CBR4: variants seen among roughly 807,000 people sequenced by gnomAD.
CBR4 encodes 3-oxoacyl-[acyl-carrier-protein] reductase.
Under a neutral mutation model 21.0 loss-of-function variants are expected in CBR4, and 22 were observed. The observed-to-expected ratio is 1.05, with a 90% CI of 0.75 to 1.50. The LOEUF (loss-of-function observed/expected upper bound fraction) is 1.50. Among genes scored for constraint, CBR4 ranks in the 40% most tolerant of loss-of-function variants. The pLI is 0.00. For synonymous variants in CBR4, 100 were observed against 104.4 expected (o/e 0.96, Z 0.26); for missense variants, 302 against 286.3 (o/e 1.05, Z -0.40).
chr4:168,996,315 A>T (rs910528768), intron 4 of CBR4, among the ~76,000 whole-genome samples: 3 of 152,168 alleles, frequency 2.0e-5, no homozygotes, highest in Admixed American at 6.5e-5. Context: ...GTAGCTTTTT[A>T]AAAAATTTAT....
At chr4:168,900,015 AG>A (rs1328102753) in intron 2 of CBR4, among the ~76,000 whole-genome samples, 2 of 152,226 alleles carry the variant, frequency 1.3e-5, no homozygotes, top group African/African-American at 4.8e-5. Context: ...GTGCGGCCTC[AG>A]GAAGCTTACA....
intron 2 of CBR4, chr4:168,925,202 C>G: frequency 2.6e-6 from 4 of 1,532,528 alleles, no homozygotes; most frequent in Non-Finnish European, 3.5e-6. Flanking sequence ...CAAAAAAATT[C>G]ATATTGCTCT....
At chr4:168,937,105 C>A (rs1009086112) in intron 2 of CBR4, among the ~76,000 whole-genome samples, 1 of 152,164 alleles carries the variant, frequency 6.6e-6, no homozygotes, top group Non-Finnish European at 1.5e-5. Flanking sequence ...AGACTAACAG[C>A]AGATCTCTCT....
chr4:168,910,701 A>G (rs1302596839), intron 2 of CBR4, among the ~76,000 whole-genome samples: 1 of 152,170 alleles, frequency 6.6e-6, no homozygotes, highest in African/African-American at 2.4e-5. Context: ...CAGAGAAGGA[A>G]ACTTAGAAAG....
Position 168,981,972 on chromosome 4 carries a change from C to T in CBR4, n.169+20099G>A, listed in dbSNP as rs1764560015. 5.3e-5 allele frequency among the ~76,000 whole-genome samples: 8 copies of T among 152,184 alleles called. No homozygotes were observed. In the South Asian group the frequency reaches 1.7e-3, roughly 32 times the overall value. ...CACCACAAAAACACACTCAAGTACA[C>T]ACTCTATTAACACTATAAAGCAAAT... On this transcript the variant is annotated intron_variant and non_coding_transcript_variant, in intron 2 of 3. Transcript: ENST00000509108.
intron 2 of CBR4, among the ~76,000 whole-genome samples, chr4:168,937,094 C>G (rs1192154653): frequency 2.6e-5 from 4 of 152,164 alleles, no homozygotes; most frequent in Middle Eastern, 3.2e-3. Flanking sequence ...GGAAGCCCAT[C>G]AGACTAACAG....
intron 4 of CBR4, among the ~76,000 whole-genome samples, chr4:168,994,996 AGCCT>A (rs1765120688): frequency 1.3e-5 from 2 of 152,072 alleles, no homozygotes; most frequent in South Asian, 4.1e-4. Context: ...TTAGGTGATC[AGCCT>A]GCCTTGGTCT....
At chr4:168,916,648 A>G (rs1399486039) in intron 2 of CBR4, among the ~76,000 whole-genome samples, 1 of 149,908 alleles carries the variant, frequency 6.7e-6, no homozygotes, top group African/African-American at 2.5e-5. Flanking sequence ...GTATCCATAT[A>G]TCTACTCTGA....
intron 2 of CBR4, among the ~76,000 whole-genome samples, chr4:168,973,733 C>T (rs781480841): frequency 1.5e-4 from 23 of 152,200 alleles, no homozygotes; most frequent in African/African-American, 5.3e-4. Flanking sequence ...TACTTGTTAT[C>T]GGTCTGTTCA....
At chr4:168,916,158 A>C in intron 2 of CBR4, 1 of 902,150 alleles carries the variant, frequency 1.1e-6, no homozygotes, top group East Asian at 2.4e-5. Flanking sequence ...CACACCTATA[A>C]TCCCAGCACT....
chr4:168,938,807 GC>G (rs1763182225), intron 2 of CBR4, among the ~76,000 whole-genome samples: 1 of 152,056 alleles, frequency 6.6e-6, no homozygotes, highest in African/African-American at 2.4e-5. Flanking sequence ...GTAATTAATA[GC>G]CTAACAACCA....
downstream of CBR4, among the ~76,000 whole-genome samples, chr4:168,985,494 A>C (rs1388883362): frequency 2.0e-5 from 3 of 152,196 alleles, no homozygotes; most frequent in Admixed American, 2.0e-4. Context: ...TTCTCAAAGA[A>C]CTTAAAATGG....
Position 169,009,989 on chromosome 4 carries a change from C to T in CBR4, c.101G>A (p.Arg34Lys). The change falls in exon 1 of 5, where the codon AGA (arginine) becomes AAA (lysine). Residue 34 changes from arginine to lysine, a missense_variant. Transcript: ENST00000306193. ...GGCGGCTTTGGCCCCTTCCAGGTTT[C>T]TGGCAATGACCGCCAGTCGGTAGCC... Reference protein sequence around the residue: ...RKGYRLAVIARNLEGAKAAAG... With the variant: ...RKGYRLAVIAKNLEGAKAAAG... The T allele has an allele frequency of 6.2e-7, 1 of 1,613,424 alleles. No homozygotes were observed. The highest frequency in any genetic ancestry group is 8.5e-7 in the Non-Finnish European group (1 of 1,179,798).
intron 2 of CBR4, among the ~76,000 whole-genome samples, chr4:168,936,139 A>G (rs1035344667): frequency 7.2e-5 from 11 of 152,230 alleles, no homozygotes; most frequent in African/African-American, 2.4e-4. Flanking sequence ...CCAGGTAAAC[A>G]GGGTCTGGAG....
In CBR4 at chr4:168,970,833, GAT is replaced by G. The variant is rs71588181; in HGVS notation, n.169+31236_169+31237del. On this transcript the variant is annotated intron_variant and non_coding_transcript_variant, in intron 2 of 3. Coordinates refer to the CBR4 transcript ENST00000509108. ...TTTTTATGGCTGAGTAGTAGTCCAT[GAT>G]ATATATATATATATACCACATTTTC... Among the ~76,000 whole-genome samples, 211 of 149,568 alleles carry G rather than the reference GAT, an allele frequency of 1.4e-3. 2 individuals carry two copies. The highest frequency in any genetic ancestry group is 4.9e-3 in the African/African-American group (198 of 40,774).
intron 2 of CBR4, among the ~76,000 whole-genome samples, chr4:168,973,112 C>T (rs1041408134): frequency 1.3e-5 from 2 of 152,106 alleles, no homozygotes; most frequent in Non-Finnish European, 2.9e-5. Context: ...CCTTGCGTCC[C>T]CATCATGAAA....
At chr4:168,913,893 A>G (rs1759571983) in intron 2 of CBR4, 2 of 1,359,406 alleles carry the variant, frequency 1.5e-6, no homozygotes, top group Non-Finnish European at 2.1e-6. Context: ...ATAGTTTTAA[A>G]TAGCAAATCA....
chr4:168,936,912 T>C (rs938783894), intron 2 of CBR4, among the ~76,000 whole-genome samples: 2 of 152,026 alleles, frequency 1.3e-5, no homozygotes, highest in African/African-American at 4.8e-5. Flanking sequence ...TAGGCCAACA[T>C]TCAAATTCAG....
chr4:168,985,894 T>C (rs974505665), downstream of CBR4, among the ~76,000 whole-genome samples: 1 of 152,052 alleles, frequency 6.6e-6, no homozygotes, highest in Non-Finnish European at 1.5e-5. Flanking sequence ...CAATACACAC[T>C]GGGGCCTACT....
Sources: gnomAD v4.1 joint callset for allele counts (sites outside exome capture counted in the v4.1 genomes callset) on GRCh38, gnomAD v4.1.1 for gene constraint, MANE v1.5 for transcripts, NCBI Gene and HGNC (gene_info 2026-07-23, HGNC 2026-07-21) for gene names.